Variants in TNPO3 observed in about 807,000 individuals in gnomAD.
The protein encoded by TNPO3 is transportin 3.
A neutral mutation model predicts 122.8 loss-of-function variants in TNPO3; 65 were observed. The ratio of observed to expected loss-of-function variants is 0.53; its 90% confidence interval spans 0.43 to 0.65. TNPO3 has a LOEUF of 0.65. Among genes scored for constraint, TNPO3 ranks in the 30% least tolerant of loss-of-function variants. The probability of loss-of-function intolerance (pLI) is 0.00; values close to 1 mark genes in which losing one functional copy is unlikely to be tolerated. For missense variants in TNPO3, 850 were observed against 1,136.7 expected (o/e 0.75, Z 3.63); for synonymous variants, 372 against 411.2 (o/e 0.90, Z 1.15).
chr7:129,021,084 G>A (rs891866540), intron 1 of TNPO3, among the ~76,000 whole-genome samples: 3 of 152,064 alleles, frequency 2.0e-5, no homozygotes, highest in African/African-American at 4.8e-5. Context: ...GGCCGGGCGC[G>A]GTGGCTCACG....
At chr7:129,051,646 CTTTT>C (rs760948868) in intron 1 of TNPO3, among the ~76,000 whole-genome samples, 3 of 151,606 alleles carry the variant, frequency 2.0e-5, no homozygotes, top group Non-Finnish European at 2.9e-5. Flanking sequence ...TGGCTGGCAA[CTTTT>C]TTGTTTTTTT....
At chr7:129,040,046 G>A (rs1807176295) in intron 1 of TNPO3, among the ~76,000 whole-genome samples, 1 of 152,138 alleles carries the variant, frequency 6.6e-6, no homozygotes, top group South Asian at 2.1e-4. Context: ...CTTGAGGTCA[G>A]GAGTTCAAGA....
chr7:129,012,751 G>C (rs1345497138), intron 4 of TNPO3, among the ~76,000 whole-genome samples: 1 of 152,026 alleles, frequency 6.6e-6, no homozygotes, highest in Non-Finnish European at 1.5e-5. Flanking sequence ...TCTACTTTAG[G>C]AACCAGTAAA....
At chr7:129,011,046 C>A (rs1803133577) in intron 4 of TNPO3, among the ~76,000 whole-genome samples, 1 of 152,136 alleles carries the variant, frequency 6.6e-6, no homozygotes, top group South Asian at 2.1e-4. Flanking sequence ...GGAAAGAATT[C>A]ATTACATATA....
intron 1 of TNPO3, among the ~76,000 whole-genome samples, chr7:129,046,458 A>G (rs997938463): frequency 6.6e-6 from 1 of 152,222 alleles, no homozygotes; most frequent in East Asian, 1.9e-4. Flanking sequence ...TTTCAAAAGC[A>G]TGTTTTGACT....
At chr7:128,998,480 A>G (rs1352695181) in intron 7 of TNPO3, among the ~76,000 whole-genome samples, 1 of 152,160 alleles carries the variant, frequency 6.6e-6, no homozygotes, top group African/African-American at 2.4e-5. Context: ...CAGCCTCCTG[A>G]GTAGCTAGGA....
chr7:128,972,449 T>C lies in TNPO3; in HGVS notation c.2407A>G (p.Ile803Val), dbSNP rs1798586921. The part of the protein sequence containing the change: ...CSVMRFLRDL[I>V]HTGVANDHEE... ...ACATCATTGGCTACCCCTGTATGAA[T>C]GAGGTCTCGTAGAAACCTCATGACA... is the stretch of plus-strand genomic sequence containing the variant. The change falls in exon 19 of 23, where the codon ATT becomes GTT. Residue 803 changes from isoleucine (I) to valine (V), a missense_variant. Physicochemically the swap from Ile to Val is conservative, Grantham distance 29. Transcript: ENST00000265388. 1.2e-6 allele frequency: 2 copies of C among 1,613,770 alleles called. No homozygotes were observed. The highest frequency in any genetic ancestry group is 1.7e-6 in the Non-Finnish European group (2 of 1,179,892).
In TNPO3 at chr7:128,955,082, T is replaced by G; in HGVS notation, c.*335A>C. 3.1e-6 allele frequency: 1 copy of G among 327,424 alleles called. No homozygotes were observed. The highest frequency in any genetic ancestry group is 5.9e-6 in the Non-Finnish European group (1 of 169,454). The allele number at this position is 327,424 out of a possible 1,614,324, so 20.3% of individuals were successfully genotyped here. A position where few individuals can be genotyped will look rare whatever the true frequency, so the allele number is the denominator to read the frequency against. ...TGTTTCAGTTCTGGTTTCTGTTTAG[T>G]CTTCCTTTTTTTTCTTTTTTCTTTA... On this transcript the variant is annotated 3_prime_UTR_variant, in exon 23 of 23. Transcript: ENST00000265388.
At chr7:128,989,376 C>T (rs140728754) in intron 11 of TNPO3, among the ~76,000 whole-genome samples, 5 of 152,234 alleles carry the variant, frequency 3.3e-5, no homozygotes, top group South Asian at 4.1e-4. Context: ...AAAGTCATTT[C>T]GTCTCTTTGG....
chr7:128,974,362 T>C (rs1798841999), intron 18 of TNPO3, among the ~76,000 whole-genome samples: 1 of 149,528 alleles, frequency 6.7e-6, no homozygotes, highest in Non-Finnish European at 1.5e-5. Flanking sequence ...ACTAAGGAAT[T>C]CAAGCAGAAG....
In TNPO3 at chr7:128,957,274, A is replaced by G; in HGVS notation, c.2753T>C (p.Phe918Ser). Residue 918 changes from phenylalanine to serine, a missense_variant, in exon 22 of 23, where the codon TTC (phenylalanine) becomes TCC (serine). By Grantham distance (155) the Phe-to-Ser change is radical (BLOSUM62 -2). Coordinates refer to ENST00000265388, the MANE Select transcript of TNPO3 (RefSeq NM_012470.4). ...CKQVCWALRD[F>S]TRLFR ...TGTGAGCTATCGAAACAACCTGGTG[A>G]AGTCTCGCAAGGCCCAGCAAACTTG... The G allele has an allele frequency of 6.2e-7, 1 of 1,614,122 alleles. No individual in the cohort carries two copies. Among genetic ancestry groups the G allele is most frequent in the Non-Finnish European group, 8.5e-7 (1 of 1,179,962 alleles).
intron 11 of TNPO3, among the ~76,000 whole-genome samples, chr7:128,988,454 G>A (rs1268215090): frequency 6.6e-6 from 1 of 152,146 alleles, no homozygotes; most frequent in Non-Finnish European, 1.5e-5. Flanking sequence ...CCTAGCCCAA[G>A]CAACTCTAAT....
At chr7:129,000,634 A>G (rs909445592) in intron 6 of TNPO3, 67 bp from the exon 7 acceptor site, 6 of 1,445,396 alleles carry the variant, frequency 4.2e-6, no homozygotes, top group Non-Finnish European at 5.7e-6. Flanking sequence ...ATACAGGCAC[A>G]GTTAATCAAA....
At chr7:128,988,431 C>T (rs1047518743) in intron 11 of TNPO3, among the ~76,000 whole-genome samples, 5 of 152,138 alleles carry the variant, frequency 3.3e-5, no homozygotes, top group African/African-American at 9.7e-5. Context: ...ATCAAAAGAC[C>T]TAGAATCTAG....
intron 18 of TNPO3, among the ~76,000 whole-genome samples, chr7:128,973,486 C>T (rs534446923): frequency 6.6e-6 from 1 of 151,782 alleles, no homozygotes; most frequent in South Asian, 2.1e-4. Context: ...CCTGTAATCC[C>T]AGCACTTTGG....
At chr7:128,985,829 A>G (rs1800082788) in intron 12 of TNPO3, among the ~76,000 whole-genome samples, 1 of 152,254 alleles carries the variant, frequency 6.6e-6, no homozygotes, top group Non-Finnish European at 1.5e-5. Flanking sequence ...CAGTCACACT[A>G]GCTGGTAAGG....
intron 4 of TNPO3, among the ~76,000 whole-genome samples, chr7:129,012,176 T>G (rs112870453): frequency 4.0e-5 from 6 of 151,830 alleles, no homozygotes; most frequent in Non-Finnish European, 7.4e-5. Context: ...TGGCTAATTT[T>G]TGTATTTTTA....
Position 128,970,204 on chromosome 7 carries a change from A to AG in TNPO3, c.2541dup (p.Tyr848LeufsTer8), listed in dbSNP as rs761308428. 3.7e-6 allele frequency: 6 copies of AG among 1,613,942 alleles called. No individual in the cohort carries two copies. The highest frequency in any genetic ancestry group is 3.4e-6 in the Non-Finnish European group (4 of 1,179,932). On this transcript the variant is annotated frameshift_variant, in exon 20 of 23. Transcript: ENST00000265388. LOFTEE classifies it high-confidence loss of function. ...ACTTCAGCCACATCTGGTAGGGTAT[A>AG]GGGGGGGAGGCAAAAGCAGCAGGTG... is the stretch of plus-strand genomic sequence containing the variant.
At chr7:129,031,311 A>C (rs930871683) in intron 1 of TNPO3, among the ~76,000 whole-genome samples, 8 of 151,998 alleles carry the variant, frequency 5.3e-5, no homozygotes, top group African/African-American at 1.9e-4. Flanking sequence ...AAAAAGAAAG[A>C]AAGAAAGAAA....
Sources: allele counts gnomAD v4.1 joint callset (sites outside exome capture counted in the v4.1 genomes callset), GRCh38; gene constraint gnomAD v4.1.1; transcripts MANE v1.5; gene names NCBI Gene and HGNC (gene_info 2026-07-23, HGNC 2026-07-21).